Variants in ASTN2 observed in about 807,000 individuals in gnomAD.
ASTN2 encodes the protein astrotactin-2.
ASTN2 carries 54 observed loss-of-function variants against 139.8 expected under a neutral mutation model. That is an observed-to-expected ratio of 0.39 (90% confidence interval 0.31 to 0.48). ASTN2 has a LOEUF of 0.48. Ranked by LOEUF, ASTN2 falls within the 20% of genes least tolerant of loss-of-function variation. ASTN2 has a pLI of 0.95. For missense variants in ASTN2, 1,565 were observed against 1,725.1 expected (o/e 0.91, Z 1.64); for synonymous variants, 756 against 719.5 (o/e 1.05, Z -0.81).
intron 22 of ASTN2, 66 bp downstream of exon 22, chr9:116,440,543 G>A: frequency 1.4e-6 from 2 of 1,472,352 alleles, no homozygotes; most frequent in Non-Finnish European, 1.9e-6. Flanking sequence ...TATGGGGAAA[G>A]GGTCCAGAAA....
intron 17 of ASTN2, among the ~76,000 whole-genome samples, chr9:116,636,420 A>G (rs987708434): frequency 2.0e-5 from 3 of 152,200 alleles, no homozygotes; most frequent in East Asian, 3.9e-4. Context: ...CATGCCTGTA[A>G]TCCCAGCACT....
rs115316043 is a variant in ASTN2 at position 117,118,695 on chromosome 9, C to A, written c.1169-22544G>T. 7.0e-3 allele frequency among the ~76,000 whole-genome samples: 1,067 copies of A among 152,220 alleles called. 13 individuals are homozygous for A. Among genetic ancestry groups the A allele is most frequent in the African/African-American group, 0.025 (1,027 of 41,542 alleles). On this transcript the variant is annotated intron_variant, in intron 4 of 22. Transcript: ENST00000313400. ...ACAGCTGGATCCTAATTATGTAACC[C>A]CAGGCTATTTTTCCATCTTTTTCTC...
At chr9:116,801,543 C>T (rs1588304043) in intron 13 of ASTN2, among the ~76,000 whole-genome samples, 1 of 119,782 alleles carries the variant, frequency 8.3e-6, no homozygotes, top group African/African-American at 3.1e-5. Context: ...CATGTCACTG[C>T]ACTCCACATT....
Position 116,620,329 on chromosome 9 carries a change from T to G in ASTN2, c.3187A>C (p.Ser1063Arg). 3.7e-6 allele frequency: 6 copies of G among 1,614,098 alleles called. No individual in the cohort carries two copies. The highest frequency in any genetic ancestry group is 5.1e-6 in the Non-Finnish European group (6 of 1,180,020). Residue 1063 changes from serine to arginine, a missense_variant, in exon 18 of 23, where the codon AGC (serine) becomes CGC (arginine). Physicochemically the swap from Ser to Arg is moderately radical, Grantham distance 110 (BLOSUM62 -1). This residue lies in a region of ASTN2 where 418 missense variants were observed against 465.8 expected (regional missense o/e 0.90). Coordinates refer to ENST00000313400, the MANE Select transcript of ASTN2 (RefSeq NM_001365068.1). ...ACGTACACCGGCTGCAGAAGGGGGC[T>G]GCAGTTGGGGAGCCCATTGGCATCA... ...AFDANGLPNC[S>R]PLLQPVLRLS...
chr9:117,333,337 T>C (rs935723475), intron 1 of ASTN2, among the ~76,000 whole-genome samples: 1 of 152,244 alleles, frequency 6.6e-6, no homozygotes. Flanking sequence ...GGAAAAATAA[T>C]GTGTTCTCTT....
At chr9:116,455,875 A>T (rs1011910489) in intron 20 of ASTN2, among the ~76,000 whole-genome samples, 5 of 152,144 alleles carry the variant, frequency 3.3e-5, no homozygotes, top group Admixed American at 2.6e-4. Flanking sequence ...AGTTCAACAC[A>T]ATAAAACTAT....
chr9:116,931,508 G>A (rs1276355719), intron 10 of ASTN2, among the ~76,000 whole-genome samples: 4 of 152,158 alleles, frequency 2.6e-5, no homozygotes, highest in Non-Finnish European at 5.9e-5. Context: ...GCAACTTTGT[G>A]GGGGAATATA....
intron 16 of ASTN2, among the ~76,000 whole-genome samples, chr9:116,675,099 C>T (rs374298723): frequency 9.2e-5 from 14 of 152,276 alleles, no homozygotes; most frequent in African/African-American, 2.6e-4. Context: ...TCAGTGCCCC[C>T]CCACGCTCCA....
chr9:117,191,566 T>A (rs1349883337), intron 3 of ASTN2, among the ~76,000 whole-genome samples: 2 of 152,228 alleles, frequency 1.3e-5, no homozygotes, highest in East Asian at 3.8e-4. Flanking sequence ...TGAATTTAGC[T>A]CTACAGTGGA....
intron 1 of ASTN2, among the ~76,000 whole-genome samples, chr9:117,323,047 AT>A (rs1357684176): frequency 6.6e-6 from 1 of 151,994 alleles, no homozygotes; most frequent in Non-Finnish European, 1.5e-5. Context: ...CTCTCTGCAG[AT>A]TTTTGTTTTA....
intron 6 of ASTN2, among the ~76,000 whole-genome samples, chr9:117,035,229 C>T (rs36096422): frequency 0.15 from 22,340 of 152,040 alleles, 1,976 homozygotes; most frequent in African/African-American, 0.25. Flanking sequence ...CATGAGCTGC[C>T]CTCATCCTGA....
At chr9:117,007,020 G>C (rs1431568911) in intron 7 of ASTN2, among the ~76,000 whole-genome samples, 3 of 152,164 alleles carry the variant, frequency 2.0e-5, no homozygotes, top group Non-Finnish European at 4.4e-5. Context: ...AGGAGGCTGA[G>C]GCAGGAGAAT....
At chr9:116,512,080 T>C (rs1288366979) in intron 19 of ASTN2, among the ~76,000 whole-genome samples, 3 of 152,178 alleles carry the variant, frequency 2.0e-5, no homozygotes, top group African/African-American at 7.2e-5. Context: ...TCTCTAGTTC[T>C]TTAATTATGA....
At chr9:116,511,823 T>C (rs1041411455) in intron 19 of ASTN2, among the ~76,000 whole-genome samples, 4 of 152,216 alleles carry the variant, frequency 2.6e-5, no homozygotes, top group Admixed American at 2.6e-4. Flanking sequence ...GACGGTAGTA[T>C]GTATCTCTGT....
At chr9:116,777,876 G>GTCTTAC (rs61149042) in intron 13 of ASTN2, among the ~76,000 whole-genome samples, 150,023 of 152,162 alleles carry the variant, frequency 0.99, 73,986 homozygotes, top group East Asian at 1. Context: ...TTGACATGGA[G>GTCTTAC]TCTGTTGTCA....
chr9:116,535,605 T>A lies in ASTN2; in HGVS notation c.3356-48105A>T, dbSNP rs980767169. Among the ~76,000 whole-genome samples, 6 of 152,188 alleles carry A rather than the reference T, an allele frequency of 3.9e-5. No homozygotes were observed. The East Asian group carries it at 1.2e-3, about 29-fold the overall frequency. ...GTCTATAAAGGATTTTTATCTCTCCTTCATTTATGAAGCTTAGTTTCGCTG... is the reference window on the plus strand; with the variant it reads ...GTCTATAAAGGATTTTTATCTCTCCATCATTTATGAAGCTTAGTTTCGCTG... On this transcript the variant is annotated intron_variant, in intron 19 of 22. Transcript: ENST00000313400.
intron 20 of ASTN2, among the ~76,000 whole-genome samples, chr9:116,447,405 A>T (rs7038774): frequency 0.92 from 139,429 of 152,180 alleles, 65,027 homozygotes; most frequent in Non-Finnish European, 1. Flanking sequence ...GTTCTGCTCA[A>T]CTCTAAACAC....
chr9:117,177,295 T>C (rs1830940752), intron 3 of ASTN2, among the ~76,000 whole-genome samples: 1 of 152,210 alleles, frequency 6.6e-6, no homozygotes, highest in African/African-American at 2.4e-5. Context: ...GTTTTATTAT[T>C]ATCACCATTT....
chr9:116,792,951 G>A (rs542274493), intron 13 of ASTN2, among the ~76,000 whole-genome samples: 1 of 152,094 alleles, frequency 6.6e-6, no homozygotes, highest in Admixed American at 6.6e-5. Flanking sequence ...GACTACTGAG[G>A]GGGGAAGGAG....
Sources: gnomAD v4.1 joint callset for allele counts (sites outside exome capture counted in the v4.1 genomes callset) on GRCh38, gnomAD v4.1.1 for gene constraint, gnomAD v4.1.1 regional missense constraint, MANE v1.5 for transcripts, NCBI Gene and HGNC (gene_info 2026-07-23, HGNC 2026-07-21) for gene names.